Variants in GPC5 observed in about 807,000 individuals in gnomAD.
The protein encoded by GPC5 is glypican-5.
A neutral mutation model predicts 53.9 loss-of-function variants in GPC5; 47 were observed. That is an observed-to-expected ratio of 0.87 (90% CI 0.69 to 1.11). The LOEUF (loss-of-function observed/expected upper bound fraction) is 1.11. Ranked by LOEUF, GPC5 falls within the 50% of genes most tolerant of loss-of-function variation. The pLI is 0.00. For missense variants in GPC5, 748 were observed against 713.1 expected, an observed-to-expected ratio of 1.05 and a Z score of -0.56; for synonymous variants, 286 against 263.3, an observed-to-expected ratio of 1.09 and a Z score of -0.84.
intron 5 of GPC5, among the ~76,000 whole-genome samples, chr13:91,781,973 AT>A (rs34235732): frequency 0.27 from 40,351 of 151,994 alleles, 6,087 homozygotes; most frequent in African/African-American, 0.39. Context: ...TACTTTAGGT[AT>A]TTTTTTTCTC....
intron 6 of GPC5, among the ~76,000 whole-genome samples, chr13:92,106,916 G>A (rs1042295844): frequency 2.6e-5 from 4 of 152,056 alleles, no homozygotes; most frequent in African/African-American, 7.2e-5. Context: ...TCACCATCAC[G>A]GGTTCTCTCC....
chr13:91,618,962 A>T (rs1541136), intron 2 of GPC5, among the ~76,000 whole-genome samples: 75,985 of 151,980 alleles, frequency 0.5, 21,405 homozygotes, highest in Non-Finnish European at 0.61. Context: ...CACTATTTAT[A>T]CTACTACTAT....
At chr13:92,305,486 TA>T (rs1428078083) in intron 7 of GPC5, among the ~76,000 whole-genome samples, 1 of 152,062 alleles carries the variant, frequency 6.6e-6, no homozygotes, top group Non-Finnish European at 1.5e-5. Flanking sequence ...ACTGGTTTTT[TA>T]AAAAATCTTT....
At chr13:92,190,361 T>C (rs1306494998) in intron 7 of GPC5, among the ~76,000 whole-genome samples, 1 of 152,060 alleles carries the variant, frequency 6.6e-6, no homozygotes, top group African/African-American at 2.4e-5. Flanking sequence ...ATTATATAGG[T>C]CCTAAAATCA....
chr13:91,983,068 G>T (rs979329295), intron 6 of GPC5, among the ~76,000 whole-genome samples: 1 of 151,920 alleles, frequency 6.6e-6, no homozygotes, highest in African/African-American at 2.4e-5. Context: ...CCAAGGTGCC[G>T]GTCGCGGTGG....
At chr13:92,729,830 G>GT (rs66660842) in intron 7 of GPC5, among the ~76,000 whole-genome samples, 53,539 of 150,848 alleles carry the variant, frequency 0.35, 10,554 homozygotes, top group East Asian at 0.86. Flanking sequence ...GTGGCACCTT[G>GT]TTTTCTAAGC....
At chr13:92,865,173 G>T (rs1879300140) in intron 7 of GPC5, among the ~76,000 whole-genome samples, 1 of 152,028 alleles carries the variant, frequency 6.6e-6, no homozygotes. Flanking sequence ...AACTTGTCAG[G>T]TTTCATAACG....
chr13:91,799,918 A>G (rs898893998), intron 5 of GPC5, among the ~76,000 whole-genome samples: 11 of 152,132 alleles, frequency 7.2e-5, no homozygotes, highest in African/African-American at 2.7e-4. Flanking sequence ...TTAATGGTTC[A>G]AAGAACTATG....
At chr13:91,819,325 A>G (rs1437240483) in intron 5 of GPC5, among the ~76,000 whole-genome samples, 1 of 151,716 alleles carries the variant, frequency 6.6e-6, no homozygotes, top group African/African-American at 2.4e-5. Context: ...ACGCCCAGCT[A>G]ATTTTTTGTA....
chr13:91,857,605 T>C (rs2038980624), intron 5 of GPC5, among the ~76,000 whole-genome samples: 1 of 151,284 alleles, frequency 6.6e-6, no homozygotes, highest in African/African-American at 2.4e-5. Flanking sequence ...ATTTTGTGTT[T>C]CATTCTTTTT....
At chr13:92,417,089 A>G (rs1234537618) in intron 7 of GPC5, among the ~76,000 whole-genome samples, 1 of 152,362 alleles carries the variant, frequency 6.6e-6, no homozygotes, top group Non-Finnish European at 1.5e-5. Context: ...TAAGTCAAGG[A>G]GTGCACTGAA....
At chr13:92,102,352 T>C (rs2041474044) in intron 6 of GPC5, among the ~76,000 whole-genome samples, 1 of 152,202 alleles carries the variant, frequency 6.6e-6, no homozygotes, top group South Asian at 2.1e-4. Flanking sequence ...TTTTTCACTT[T>C]CTTAGCGTAG....
intron 7 of GPC5, among the ~76,000 whole-genome samples, chr13:92,715,521 A>G (rs1888299971): frequency 6.6e-6 from 1 of 152,218 alleles, no homozygotes; most frequent in Non-Finnish European, 1.5e-5. Context: ...AGCAAATAAA[A>G]CAGAGAATTA....
At chr13:91,452,474 T>G (rs1881254923) in intron 2 of GPC5, among the ~76,000 whole-genome samples, 1 of 152,170 alleles carries the variant, frequency 6.6e-6, no homozygotes, top group African/African-American at 2.4e-5. Flanking sequence ...ACAATAACTG[T>G]TCTTCATTTT....
intron 7 of GPC5, among the ~76,000 whole-genome samples, chr13:92,758,605 A>G (rs1209001544): frequency 6.6e-6 from 1 of 152,202 alleles, no homozygotes; most frequent in Non-Finnish European, 1.5e-5. Context: ...TGGCTGTTAT[A>G]GCCATTTAGC....
chr13:92,509,148 A>T (rs1009981052), intron 7 of GPC5, among the ~76,000 whole-genome samples: 1 of 152,200 alleles, frequency 6.6e-6, no homozygotes, highest in Non-Finnish European at 1.5e-5. Context: ...TCCATGGTAT[A>T]GGCTCTATCA....
intron 7 of GPC5, among the ~76,000 whole-genome samples, chr13:92,485,869 G>A (rs1225076969): frequency 2.6e-5 from 4 of 152,186 alleles, no homozygotes; most frequent in African/African-American, 7.2e-5. Flanking sequence ...TGGAGGCTGA[G>A]GCAGGACAAT....
chr13:91,732,949 G>A (rs778440804), intron 4 of GPC5, among the ~76,000 whole-genome samples: 41 of 152,138 alleles, frequency 2.7e-4, no homozygotes, highest in Non-Finnish European at 4.9e-4. Context: ...TTGAGGTCAG[G>A]TGGTGTGATG....
intron 7 of GPC5, among the ~76,000 whole-genome samples, chr13:92,372,449 T>G (rs920561930): frequency 3.3e-5 from 5 of 152,136 alleles, no homozygotes; most frequent in African/African-American, 4.8e-5. Context: ...TAACCAAGCT[T>G]TTTATACTCT....
Sources: allele counts gnomAD v4.1 joint callset (sites outside exome capture counted in the v4.1 genomes callset), GRCh38; gene constraint gnomAD v4.1.1; transcripts MANE v1.5; gene names NCBI Gene and HGNC (gene_info 2026-07-23, HGNC 2026-07-21).